SFXN2: variants seen among roughly 807,000 people sequenced by gnomAD.
The protein encoded by SFXN2 is sideroflexin 2, also known as sideroflexin-2.
A neutral mutation model predicts 41.9 loss-of-function variants in SFXN2; 37 were observed. That is an observed-to-expected ratio of 0.88 (90% CI 0.68 to 1.16). SFXN2 has a LOEUF of 1.16. Among genes scored for constraint, SFXN2 ranks in the 50% most tolerant of loss-of-function variants. SFXN2 has a pLI of 0.00. For missense variants in SFXN2, 386 were observed against 425.2 expected, an observed-to-expected ratio of 0.91 and a Z score of 0.81; for synonymous variants, 150 against 156.7, an observed-to-expected ratio of 0.96 and a Z score of 0.32.
chr10:102,715,013 G>C (rs1454963927), intron 1 of SFXN2: 1 of 152,484 alleles, frequency 6.6e-6, no homozygotes, highest in East Asian at 1.9e-4. Context: ...GAAAGCACAG[G>C]TGAAAGGCGT....
intron 1 of SFXN2, among the ~76,000 whole-genome samples, chr10:102,722,127 CTCT>C (rs1310118383): frequency 1.3e-5 from 2 of 152,218 alleles, no homozygotes; most frequent in Non-Finnish European, 2.9e-5. Flanking sequence ...GATCTTGTCA[CTCT>C]TCTTCTTAAA....
chr10:102,722,722 T>A (rs1357859968), intron 1 of SFXN2, among the ~76,000 whole-genome samples: 1 of 151,394 alleles, frequency 6.6e-6, no homozygotes, highest in African/African-American at 2.4e-5. Context: ...TTTTCTTTTT[T>A]AATTTTTATA....
intron 10 of SFXN2, among the ~76,000 whole-genome samples, chr10:102,735,402 G>T (rs569183271): frequency 5.3e-4 from 69 of 131,118 alleles, no homozygotes; most frequent in African/African-American, 1.9e-3. Flanking sequence ...CCTCCAAGTT[G>T]CTCCTGTCCC....
intron 1 of SFXN2, among the ~76,000 whole-genome samples, chr10:102,719,218 C>T (rs917079313): frequency 9.3e-5 from 14 of 151,060 alleles, no homozygotes; most frequent in African/African-American, 2.7e-4. Flanking sequence ...CCACCGTGCC[C>T]GGCCTCAGCT....
Position 102,728,575 on chromosome 10 carries a change from A to C in SFXN2, c.431+46A>C. ...GCTGTCCTCGTGTCTCCCCACGAAC[A>C]GCTTTTCTAAAGGGTTCTGGGCTGT... is the stretch of plus-strand genomic sequence containing the variant. On this transcript the variant is annotated intron_variant, in intron 4 of 11. Coordinates refer to ENST00000369893, the MANE Select transcript of SFXN2 (RefSeq NM_178858.6). 4 of 1,556,790 alleles carry C rather than the reference A, an allele frequency of 2.6e-6. No individual in the cohort carries two copies. In the South Asian group the frequency reaches 4.4e-5, roughly 17 times the overall value.
intron 1 of SFXN2, among the ~76,000 whole-genome samples, chr10:102,716,027 A>T (rs2064406352): frequency 6.6e-6 from 1 of 152,084 alleles, no homozygotes; most frequent in African/African-American, 2.4e-5. Context: ...AGCCTTGACT[A>T]AGGAGGTGAT....
At chr10:102,730,972 C>T (rs1232582970) in intron 6 of SFXN2, among the ~76,000 whole-genome samples, 11 of 151,978 alleles carry the variant, frequency 7.2e-5, no homozygotes, top group African/African-American at 2.4e-4. Context: ...CCTGTAGTCC[C>T]GGCAACTTGG....
intron 10 of SFXN2, 23 bp from the exon 11 acceptor site, chr10:102,735,839 C>T: frequency 6.2e-7 from 1 of 1,613,906 alleles, no homozygotes; most frequent in Non-Finnish European, 8.5e-7. Flanking sequence ...TCCCCTGATG[C>T]TTTGGTTTCT....
Position 102,731,899 on chromosome 10 carries a change from T to C in SFXN2, c.654+116T>C, listed in dbSNP as rs187665710. The stretch of plus-strand genomic sequence containing the variant: ...GATTGAGAAGCCTTTTCTGGCTCCA[T>C]CCTCACTCCCTATCAAATTTTCCCC... On this transcript the variant is annotated intron_variant, in intron 7 of 11. Transcript: ENST00000369893. 14 of 915,900 alleles carry C rather than the reference T, an allele frequency of 1.5e-5. No homozygotes were observed. The East Asian group carries it at 3.5e-4, about 23-fold the overall frequency. 56.7% of individuals were successfully genotyped at this position (915,900 alleles called of 1,614,324 possible). A position where few individuals can be genotyped will look rare whatever the true frequency, so the allele number is the denominator to read the frequency against.
In SFXN2 at chr10:102,727,149, G is replaced by T. The variant is rs202223079; in HGVS notation, c.324G>T (p.Gln108His). ...TGATCATCACGGGCTTCATGCTCCA[G>T]TTCTACAGGTGGGACCTGGGGGCAG... is the stretch of plus-strand genomic sequence containing the variant. ...GGMIITGFML[Q>H]FYRTMPAVIF... is the part of the protein sequence containing the mutation. Residue 108 changes from glutamine to histidine, a missense_variant, in exon 3 of 12, where the codon CAG becomes CAT. Gln to His is a conservative substitution (Grantham distance 24). Coordinates refer to ENST00000369893, the MANE Select transcript of SFXN2 (RefSeq NM_178858.6). 2.6e-5 allele frequency: 41 copies of T among 1,598,488 alleles called. 1 individual carries two copies. In the East Asian group the frequency reaches 9.2e-4, roughly 36 times the overall value.
At chr10:102,715,808 G>C (rs2064402395) in intron 1 of SFXN2, among the ~76,000 whole-genome samples, 1 of 151,668 alleles carries the variant, frequency 6.6e-6, no homozygotes, top group Non-Finnish European at 1.5e-5. Context: ...TAATTAGCCA[G>C]GTTCCGTGGC....
In SFXN2 at chr10:102,743,424, C is replaced by G. The variant is rs1348761928; in HGVS notation, c.*5662C>G. The G allele has an allele frequency of 6.6e-6, 1 of 152,212 alleles. No homozygotes were observed. Among genetic ancestry groups the G allele is most frequent in the Non-Finnish European group, 1.5e-5 (1 of 68,036 alleles). The allele number at this position is 152,212 out of a possible 1,614,324, so 9.4% of individuals were successfully genotyped here. The stretch of plus-strand genomic sequence containing the variant: ...AAGCTGCTATTTGGGCAGTTGAGAC[C>G]AAGAGAGGCATCCTGGTAATAGTGC... On this transcript the variant is annotated 3_prime_UTR_variant, in exon 12 of 12. Coordinates refer to ENST00000369893, the MANE Select transcript of SFXN2 (RefSeq NM_178858.6).
At position 102,739,894 on chromosome 10, in the gene SFXN2, C is replaced by G. The variant is rs1368726755; in HGVS notation, c.*2132C>G. On this transcript the variant is annotated 3_prime_UTR_variant, in exon 12 of 12. Coordinates refer to ENST00000369893, the MANE Select transcript of SFXN2 (RefSeq NM_178858.6). ...CGCCACTGCACTCCAACCTGGGCGA[C>G]TCCGTCTCAAAAAAAAAAAAGAAAA... 1 of 144,484 alleles carries G rather than the reference C, an allele frequency of 6.9e-6. No homozygotes were observed. Among genetic ancestry groups the G allele is most frequent in the South Asian group, 2.2e-4 (1 of 4,492 alleles). 9.0% of individuals were successfully genotyped at this position (144,484 alleles called of 1,614,324 possible). A position where few individuals can be genotyped will look rare whatever the true frequency, so the allele number is the denominator to read the frequency against.
chr10:102,720,745 G>C lies in SFXN2; in HGVS notation c.-25-5867G>C, dbSNP rs142595670. Among the ~76,000 whole-genome samples, 9 of 152,178 alleles carry C rather than the reference G, an allele frequency of 5.9e-5. No homozygotes were observed. The East Asian group carries it at 1.5e-3, about 26-fold the overall frequency. On this transcript the variant is annotated intron_variant, in intron 1 of 11. Transcript: ENST00000369893. ...CCTATCGCCCAAGTCAGAAACCCTAGGTATCACTCTGGATATTTGTCATGT... is the reference window on the plus strand; with the variant it reads ...CCTATCGCCCAAGTCAGAAACCCTACGTATCACTCTGGATATTTGTCATGT...
At chr10:102,721,580 T>C (rs932582350) in intron 1 of SFXN2, among the ~76,000 whole-genome samples, 12 of 147,658 alleles carry the variant, frequency 8.1e-5, no homozygotes, top group Admixed American at 5.4e-4. Context: ...TAAATATATG[T>C]TGCTATATCT....
chr10:102,729,389 A>T lies in SFXN2; in HGVS notation c.502A>T (p.Thr168Ser). ...VATAVGMNML[T>S]KKAPPLVGRW... ...CACGGCTGTGGGCATGAACATGTTG[A>T]CAAAGGTATGGTCTGGGGCCGCTGC... Residue 168 changes from threonine to serine, a missense_variant, in exon 5 of 12, where the codon ACA (threonine) becomes TCA (serine). Coordinates refer to ENST00000369893, the MANE Select transcript of SFXN2 (RefSeq NM_178858.6). 6.2e-7 allele frequency: 1 copy of T among 1,614,060 alleles called. No individual in the cohort carries two copies. Among genetic ancestry groups the T allele is most frequent in the Non-Finnish European group, 8.5e-7 (1 of 1,180,006 alleles).
chr10:102,729,843 C>T (rs765951192), intron 6 of SFXN2, 35 bp downstream of exon 6: 2 of 1,609,060 alleles, frequency 1.2e-6, no homozygotes, highest in Non-Finnish European at 1.7e-6. Context: ...CTACAAACCA[C>T]AAGATTAGCA....
chr10:102,723,441 G>A (rs1191961121), intron 1 of SFXN2, among the ~76,000 whole-genome samples: 1 of 151,684 alleles, frequency 6.6e-6, no homozygotes, highest in Non-Finnish European at 1.5e-5. Flanking sequence ...TAGTAGAGAT[G>A]GGGTTTCACC....
intron 9 of SFXN2, 146 bp downstream of exon 9, chr10:102,733,054 C>T: frequency 2.5e-6 from 2 of 801,532 alleles, no homozygotes; most frequent in Admixed American, 4.2e-5. Context: ...CCAATCTCCA[C>T]TGACCTCCTG....
Sources: allele counts gnomAD v4.1 joint callset (sites outside exome capture counted in the v4.1 genomes callset), GRCh38; gene constraint gnomAD v4.1.1; transcripts MANE v1.5; gene names NCBI Gene and HGNC (gene_info 2026-07-23, HGNC 2026-07-21).